Variants in C3orf49 observed in about 807,000 individuals in gnomAD.
C3orf49 encodes putative uncharacterized protein C3orf49.
Under a neutral mutation model 13.3 loss-of-function variants are expected in C3orf49, and 27 were observed. The ratio of observed to expected loss-of-function variants is 2.02; its 90% CI spans 1.49 to 2.79. C3orf49 has a LOEUF of 2.79. C3orf49 is among the 30% of genes most tolerant of loss of function. The pLI, the probability that C3orf49 is intolerant of heterozygous loss-of-function variation, is 0.00. For synonymous variants in C3orf49, 87 were observed against 47.6 expected, an observed-to-expected ratio of 1.83 and a Z score of -3.40; for missense variants, 242 against 134.2, an observed-to-expected ratio of 1.80 and a Z score of -3.97.
chr3:63,831,964 C>T lies in C3orf49; in HGVS notation c.849+120C>T, dbSNP rs761419371. On this transcript the variant is annotated intron_variant, in intron 5 of 6. Coordinates refer to ENST00000295896, the MANE Select transcript of C3orf49 (RefSeq NM_001355236.2). ...AATCTCAGCACTTTGGGAGGCCGAG[C>T]GAGTGGATCACTTGATGTCTGGAGT... 21 of 582,620 alleles carry T rather than the reference C, an allele frequency of 3.6e-5. No individual in the cohort carries two copies. Among genetic ancestry groups the T allele is most frequent in the African/African-American group, 9.5e-5 (5 of 52,788 alleles). The allele number at this position is 582,620 out of a possible 1,614,324, so 36.1% of individuals were successfully genotyped here.
chr3:63,830,318 T>C (rs115458166), intron 3 of C3orf49, among the ~76,000 whole-genome samples: 1 of 152,238 alleles, frequency 6.6e-6, no homozygotes, highest in Non-Finnish European at 1.5e-5. Flanking sequence ...AGAGGGGTCT[T>C]ACTTTAGATA....
At chr3:63,782,646 A>G in the C3orf49 span, 1 of 152,262 alleles carries the variant, frequency 6.6e-6, no homozygotes. Flanking sequence ...CAATCGATTC[A>G]TCTAGTTAAA....
chr3:63,791,562 TA>T, the C3orf49 span, among the ~76,000 whole-genome samples: 1 of 152,160 alleles, frequency 6.6e-6, no homozygotes, highest in African/African-American at 2.4e-5. Context: ...AGGGAGCTTT[TA>T]AAAAATACTG....
At chr3:63,843,397 C>T (rs1369380027) in intron 5 of C3orf49, among the ~76,000 whole-genome samples, 1 of 152,090 alleles carries the variant, frequency 6.6e-6, no homozygotes, top group Non-Finnish European at 1.5e-5. Flanking sequence ...GGATTACAGG[C>T]ATGAGCCACT....
At chr3:63,780,452 G>A in the C3orf49 span, among the ~76,000 whole-genome samples, 1 of 152,196 alleles carries the variant, frequency 6.6e-6, no homozygotes, top group Non-Finnish European at 1.5e-5. Flanking sequence ...AAACATACGT[G>A]TGCATGTGTC....
chr3:63,833,945 T>A, intron 5 of C3orf49: 1 of 526,314 alleles, frequency 1.9e-6, no homozygotes. Flanking sequence ...TGCATTTTAA[T>A]AAAAACAAAT....
At chr3:63,831,023 C>A (rs756100592) in intron 3 of C3orf49, 87 bp from the exon 4 acceptor site, 32 of 647,810 alleles carry the variant, frequency 4.9e-5, no homozygotes, top group Non-Finnish European at 8.5e-5. Flanking sequence ...AAGATAATGT[C>A]CTAAGGGTGA....
chr3:63,789,859 G>GC, the C3orf49 span, among the ~76,000 whole-genome samples: 1 of 148,026 alleles, frequency 6.8e-6, no homozygotes, highest in Non-Finnish European at 1.5e-5. Context: ...ACATATGCTT[G>GC]CCCTTGAAAG....
chr3:63,843,593 C>G (rs1352065889), intron 5 of C3orf49, among the ~76,000 whole-genome samples: 1 of 152,008 alleles, frequency 6.6e-6, no homozygotes, highest in Non-Finnish European at 1.5e-5. Flanking sequence ...TGTTTACCAA[C>G]AGATGAATGA....
At chr3:63,800,930 A>G in the C3orf49 span, among the ~76,000 whole-genome samples, 5 of 152,246 alleles carry the variant, frequency 3.3e-5, no homozygotes, top group South Asian at 8.3e-4. Context: ...CAAAGGGTCA[A>G]TGGGCCTGCT....
chr3:63,807,278 T>G, the C3orf49 span, among the ~76,000 whole-genome samples: 1 of 152,278 alleles, frequency 6.6e-6, no homozygotes, highest in East Asian at 1.9e-4. Flanking sequence ...GAATGAATAA[T>G]AAATAATATT....
rs908227622 is a variant in C3orf49 at position 63,831,123 on chromosome 3, CAA to C, written c.589_590del (p.Lys197GlufsTer8). 1.7e-5 allele frequency: 12 copies of C among 700,706 alleles called. No individual in the cohort carries two copies. The highest frequency in any genetic ancestry group is 7.0e-5 in the African/African-American group (4 of 56,884). The allele number at this position is 700,706 out of a possible 1,614,324, so 43.4% of individuals were successfully genotyped here. ...TTTTTACCATAGGGGCCATATTCAC[CAA>C]AAAAGAGACCACACTTTCCAGCACT... On this transcript the variant is annotated frameshift_variant, in exon 4 of 7. Transcript: ENST00000295896. LOFTEE classifies it high-confidence loss of function.
At chr3:63,827,421 C>T in intron 2 of C3orf49, 180 bp from the exon 3 acceptor site, 2 of 499,394 alleles carry the variant, frequency 4.0e-6, no homozygotes, top group South Asian at 3.4e-5. Context: ...AAGGCAAATG[C>T]GTGCAGGAGA....
Position 63,819,305 on chromosome 3 carries a change from C to T in C3orf49, c.-167C>T. On this transcript the variant is annotated 5_prime_UTR_variant, in exon 1 of 7. Transcript: ENST00000295896. ...CCAGTCCCACAAATAATGTCTCTAA[C>T]ACCTGGAAGGGAATAAGGGAAAGAC... 1.8e-6 allele frequency: 1 copy of T among 568,140 alleles called. No homozygotes were observed. The highest frequency in any genetic ancestry group is 3.1e-6 in the Non-Finnish European group (1 of 317,792). 35.2% of individuals were successfully genotyped at this position (568,140 alleles called of 1,614,324 possible). A position where few individuals can be genotyped will look rare whatever the true frequency, so the allele number is the denominator to read the frequency against.
chr3:63,844,999 TG>T lies in C3orf49; in HGVS notation c.850-23del, dbSNP rs747104653. The T allele has an allele frequency of 6.5e-5, 45 of 689,890 alleles. 1 individual carries two copies. The South Asian group carries it at 6.8e-4, about 10-fold the overall frequency. The allele number at this position is 689,890 out of a possible 1,614,324, so 42.7% of individuals were successfully genotyped here. On this transcript the variant is annotated intron_variant, in intron 5 of 6. Transcript: ENST00000295896. ...TAAAGACAATTGAGATCTTTACATTTGTTGTAATTTTGTCTCTTGACAGATG... is the reference window on the plus strand; with the variant it reads ...TAAAGACAATTGAGATCTTTACATTTTTGTAATTTTGTCTCTTGACAGATG...
the C3orf49 span, among the ~76,000 whole-genome samples, chr3:63,797,180 A>G: frequency 1.1e-4 from 16 of 151,946 alleles, no homozygotes; most frequent in South Asian, 6.2e-4. Flanking sequence ...CTGTTCCTCT[A>G]TAGGTAAGGT....
the C3orf49 span, among the ~76,000 whole-genome samples, chr3:63,787,729 C>A: frequency 6.6e-6 from 1 of 152,082 alleles, no homozygotes; most frequent in Non-Finnish European, 1.5e-5. Context: ...AACTTAGATT[C>A]TTTTTCTGTT....
the C3orf49 span, among the ~76,000 whole-genome samples, chr3:63,813,285 A>C: frequency 6.6e-6 from 1 of 152,212 alleles, no homozygotes; most frequent in East Asian, 1.9e-4. Flanking sequence ...GCTGGCTCTG[A>C]GGCTGAAGAT....
chr3:63,792,880 C>T, the C3orf49 span, among the ~76,000 whole-genome samples: 3 of 152,146 alleles, frequency 2.0e-5, no homozygotes, highest in Non-Finnish European at 2.9e-5. Flanking sequence ...TTGTGTGCGT[C>T]GGCACTATCC....
Sources: allele counts gnomAD v4.1 joint callset (sites outside exome capture counted in the v4.1 genomes callset), GRCh38; gene constraint gnomAD v4.1.1; transcripts MANE v1.5; gene names NCBI Gene and HGNC (gene_info 2026-07-23, HGNC 2026-07-21).